The following DNMT1 variants were observed in gnomAD, a reference collection of about 807,000 sequenced individuals.
The protein encoded by DNMT1 is DNA (cytosine-5)-methyltransferase 1.
DNMT1 carries 24 observed loss-of-function variants against 205.3 expected under a neutral mutation model. The observed-to-expected ratio is 0.12, with a 90% CI of 0.08 to 0.16. The LOEUF is 0.16. Among genes scored for constraint, DNMT1 ranks in the 10% least tolerant of loss-of-function variants. The pLI, the probability that DNMT1 is intolerant of heterozygous loss-of-function variation, is 1.00. For missense variants in DNMT1, 1,293 were observed against 2,177.7 expected, an observed-to-expected ratio of 0.59 and a Z score of 8.09; for synonymous variants, 817 against 839.8, an observed-to-expected ratio of 0.97 and a Z score of 0.47.
intron 29 of DNMT1, among the ~76,000 whole-genome samples, chr19:10,143,356 C>T (rs2089640338): frequency 6.7e-6 from 1 of 150,192 alleles, no homozygotes; most frequent in Non-Finnish European, 1.5e-5. Flanking sequence ...GCTGGGATTA[C>T]AGGCGTGTGC....
Position 10,154,329 on chromosome 19 carries a change from C to A in DNMT1, c.1983G>T (p.Glu661Asp), listed in dbSNP as rs781764761. ...CACATCGCCGGCGCTTAAAGGCGTT[C>A]TCCTTGTCTTCTCTGTCATCCTTTT... is the stretch of plus-strand genomic sequence containing the variant. ...QIEKDDREDK[E>D]NAFKRRRCGV... The change falls in exon 22 of 41, where the codon GAG becomes GAT. Residue 661 changes from glutamate (E) to aspartate (D), a missense_variant. Around this residue, in one of 13 missense-constraint regions of DNMT1, gnomAD observed 197 missense variants for 353.6 expected, o/e 0.56. Transcript: ENST00000359526. This position sits in a 1 kb window ranked among gnomAD's most constrained non-coding sequence, Gnocchi z 6.3. The A allele has an allele frequency of 1.9e-6, 3 of 1,614,120 alleles. No individual in the cohort carries two copies. The African/African-American group carries it at 4.0e-5, about 22-fold the overall frequency.
intron 22 of DNMT1, among the ~76,000 whole-genome samples, chr19:10,152,823 G>C (rs1254740250): frequency 6.6e-6 from 1 of 151,790 alleles, no homozygotes; most frequent in Non-Finnish European, 1.5e-5. Flanking sequence ...TATTTGGCTG[G>C]GTGCAGTGCC....
intron 1 of DNMT1, among the ~76,000 whole-genome samples, chr19:10,183,077 G>T (rs181497881): frequency 0.072 from 10,471 of 145,840 alleles, 572 homozygotes; most frequent in Admixed American, 0.15. Context: ...ATACATATGT[G>T]TGTGTATATA....
chr19:10,167,595 G>A (rs944996883), intron 10 of DNMT1, among the ~76,000 whole-genome samples: 6 of 152,072 alleles, frequency 3.9e-5, no homozygotes, highest in South Asian at 2.1e-4. Context: ...GCCAAATTGC[G>A]GAGGCAGAGC....
rs745383183 is a variant in DNMT1, at chr19:10,149,651, C to T, written c.2388G>A (p.Thr796=). The change falls in exon 26 of 41, where the codon ACG becomes ACA. Residue 796 remains threonine, a synonymous_variant. Coordinates refer to ENST00000359526, the MANE Select transcript of DNMT1 (RefSeq NM_001130823.3). ...CGTTGCTGCTGTCCTCCCACAGCGC[C>T]GTGACCCTGGAATCAGAAGACGGGC... ...SSKPLYLARV[T]ALWEDSSNGQ... 93 of 1,613,508 alleles carry T rather than the reference C, an allele frequency of 5.8e-5. No homozygotes were observed. Among genetic ancestry groups the T allele is most frequent in the South Asian group, 7.7e-5 (7 of 91,076 alleles).
rs997667561 is a variant in DNMT1 at position 10,179,389 on chromosome 19, C to A, written c.493+798G>T. Among the ~76,000 whole-genome samples, 3 of 151,764 alleles carry A rather than the reference C, an allele frequency of 2.0e-5. No homozygotes were observed. In the East Asian group the frequency reaches 5.8e-4, roughly 29 times the overall value. ...CTGGAATTACAGACACCCGCCACCA[C>A]GTCTGGCAAATTTTTTGTATTTTCA... On this transcript the variant is annotated intron_variant, in intron 5 of 40. Transcript: ENST00000359526.
intron 1 of DNMT1, among the ~76,000 whole-genome samples, chr19:10,186,784 G>A (rs2039191543): frequency 7.1e-6 from 1 of 140,710 alleles, no homozygotes; most frequent in African/African-American, 2.7e-5. Flanking sequence ...GCTGCGGTGA[G>A]CCAAGGTCAC....
chr19:10,143,778 T>C lies in DNMT1; in HGVS notation c.3104A>G (p.Asn1035Ser). 1 of 1,614,152 alleles carries C rather than the reference T, an allele frequency of 6.2e-7. No homozygotes were observed. The change falls in exon 29 of 41, where the codon AAC becomes AGC. Residue 1035 changes from asparagine to serine, a missense_variant. This residue lies in a region of DNMT1 where 167 missense variants were observed against 258.1 expected (regional missense o/e 0.65). Transcript: ENST00000359526. ...GGCCTCTGCTGACCTGTAGAACTTG[T>C]TGACCCGGATTTTGATGTCAGTCTC... ...PNETDIKIRV[N>S]KFYRPENTHK...
chr19:10,135,509 A>G (rs1399356088), intron 39 of DNMT1: 2 of 579,252 alleles, frequency 3.5e-6, no homozygotes, highest in African/African-American at 1.8e-5. Flanking sequence ...TTCTGGCTCA[A>G]TCTCTGCCTC....
rs149930646 is a variant in DNMT1, at chr19:10,193,207, A to G, written c.80+1613T>C. On this transcript the variant is annotated intron_variant, in intron 1 of 40. Coordinates refer to ENST00000359526, the MANE Select transcript of DNMT1 (RefSeq NM_001130823.3). ...CACGTATACAGAAACAAAAACTAAG[A>G]AAGTCATCTGGGCATGGTGGTGGGC... Among the ~76,000 whole-genome samples, 114 of 152,094 alleles carry G rather than the reference A, an allele frequency of 7.5e-4. 2 individuals carry two copies. The East Asian group carries it at 0.02, about 27-fold the overall frequency.
chr19:10,137,585 A>AG lies in DNMT1; in HGVS notation c.4293+246dup. On this transcript the variant is annotated intron_variant, in intron 36 of 40. Transcript: ENST00000359526. The surrounding 1 kb of genome is among the most constrained non-coding windows in gnomAD (Gnocchi z 6.4). ...GGAAAACATGCGGGGAGAGGCAGCA[A>AG]GGGGGAAGGCAGTGGTGGGTGGGCA... is the stretch of plus-strand genomic sequence containing the variant. 3.1e-6 allele frequency: 2 copies of AG among 654,612 alleles called. No homozygotes were observed. The highest frequency in any genetic ancestry group is 2.6e-6 in the Non-Finnish European group (1 of 380,988). The allele number at this position is 654,612 out of a possible 1,614,324, so 40.6% of individuals were successfully genotyped here. A position where few individuals can be genotyped will look rare whatever the true frequency, so the allele number is the denominator to read the frequency against.
chr19:10,135,352 TG>T, intron 39 of DNMT1: 1 of 303,824 alleles, frequency 3.3e-6, no homozygotes. Context: ...TACACTTAAC[TG>T]AGACTAACTC....
At chr19:10,168,872 C>T (rs768762365) in intron 9 of DNMT1, among the ~76,000 whole-genome samples, 8 of 152,200 alleles carry the variant, frequency 5.3e-5, no homozygotes, top group African/African-American at 1.9e-4. Flanking sequence ...GAGTCTCACT[C>T]TGTTACCCAG....
Position 10,154,580 on chromosome 19 carries a change from C to A in DNMT1, c.1832+6G>T. ...GTCTTCACTCTGGTCCCTGCCGCAT[C>A]CTTACCTCTGTCCCAGCGTGACCCC... On this transcript the variant is annotated splice_donor_region_variant and intron_variant, in intron 21 of 40. Transcript: ENST00000359526. The surrounding 1 kb of genome is among the most constrained non-coding windows in gnomAD (Gnocchi z 6.3). 3 of 1,613,980 alleles carry A rather than the reference C, an allele frequency of 1.9e-6. No individual in the cohort carries two copies. Among genetic ancestry groups the A allele is most frequent in the Non-Finnish European group, 2.5e-6 (3 of 1,179,926 alleles).
At chr19:10,150,037 CCT>C (rs1177428243) in intron 24 of DNMT1, 69 bp from the exon 25 acceptor site, 7 of 1,335,352 alleles carry the variant, frequency 5.2e-6, no homozygotes, top group Non-Finnish European at 7.5e-6. Context: ...CTTGCATGGT[CCT>C]CTGTTACTTA....
intron 30 of DNMT1, chr19:10,141,529 A>G (rs963677259): frequency 2.6e-6 from 1 of 381,940 alleles, no homozygotes; most frequent in African/African-American, 2.1e-5. Flanking sequence ...TAAGGTAACA[A>G]CACGGAAAGG....
At chr19:10,163,525 G>A (rs972647105) in intron 11 of DNMT1, among the ~76,000 whole-genome samples, 165 bp from the exon 12 acceptor site, 1 of 152,192 alleles carries the variant, frequency 6.6e-6, no homozygotes, top group Non-Finnish European at 1.5e-5. Flanking sequence ...TAGACACGAG[G>A]CTTCACTTTC....
intron 22 of DNMT1, among the ~76,000 whole-genome samples, chr19:10,152,735 T>C (rs1349559665): frequency 2.6e-5 from 4 of 151,942 alleles, no homozygotes; most frequent in African/African-American, 7.3e-5. Flanking sequence ...CATTCCAGAC[T>C]GGGTGACAGA....
chr19:10,171,028 G>T (rs920006299), intron 9 of DNMT1, among the ~76,000 whole-genome samples: 3 of 151,898 alleles, frequency 2.0e-5, no homozygotes, highest in Admixed American at 1.3e-4. Context: ...GGCTGGCCCT[G>T]AACTCCTGAG....
Sources: allele counts gnomAD v4.1 joint callset (sites outside exome capture counted in the v4.1 genomes callset), GRCh38; gene constraint gnomAD v4.1.1; regional missense constraint gnomAD v4.1.1; non-coding constraint Gnocchi (gnomAD v3.1); transcripts MANE v1.5; gene names NCBI Gene and HGNC (gene_info 2026-07-23, HGNC 2026-07-21).